SCAI: variants seen among roughly 807,000 people sequenced by gnomAD.
SCAI encodes the protein suppressor of cancer cell invasion.
In SCAI, 24 loss-of-function variants were observed where a neutral mutation model predicts 92.2. The ratio of observed to expected loss-of-function variants is 0.26; its 90% confidence interval spans 0.19 to 0.37. The LOEUF (loss-of-function observed/expected upper bound fraction) is 0.37. Ranked by LOEUF, SCAI falls within the 10% of genes least tolerant of loss-of-function variation. The pLI, the probability that SCAI is intolerant of heterozygous loss-of-function variation, is 1.00. For missense variants in SCAI, 450 were observed against 736.2 expected (o/e 0.61, Z 4.50); for synonymous variants, 261 against 258.6 (o/e 1.01, Z -0.09).
intron 14 of SCAI, among the ~76,000 whole-genome samples, chr9:124,992,184 C>T (rs1375426334): frequency 5.3e-5 from 8 of 152,170 alleles, no homozygotes; most frequent in African/African-American, 1.9e-4. Context: ...TCCCAAAGTG[C>T]TGGGATTACA....
Position 125,100,353 on chromosome 9 carries a change from C to A in SCAI, c.98+42280G>T, listed in dbSNP as rs563609528. 2.6e-5 allele frequency among the ~76,000 whole-genome samples: 4 copies of A among 152,324 alleles called. No individual in the cohort carries two copies. In the South Asian group the frequency reaches 6.2e-4, roughly 24 times the overall value. On this transcript the variant is annotated intron_variant, in intron 2 of 17. Coordinates refer to ENST00000336505, the MANE Select transcript of SCAI (RefSeq NM_001144877.3). Reference sequence around the variant, plus strand: ...GCTGAGAGCTTTACACAGATTCTTGCATTGAATCCTCAAGACAAACCTACT... The same window carrying A: ...GCTGAGAGCTTTACACAGATTCTTGAATTGAATCCTCAAGACAAACCTACT...
chr9:125,033,116 C>T (rs1223138024), intron 3 of SCAI, among the ~76,000 whole-genome samples: 1 of 151,922 alleles, frequency 6.6e-6, no homozygotes, highest in African/African-American at 2.4e-5. Flanking sequence ...GACACATTGG[C>T]TACTCAGGAG....
At chr9:125,003,864 GT>G (rs1334828130) in intron 9 of SCAI, among the ~76,000 whole-genome samples, 1 of 151,910 alleles carries the variant, frequency 6.6e-6, no homozygotes, top group Non-Finnish European at 1.5e-5. Context: ...CTCAGGTTTT[GT>G]TTTTTTAAGT....
At position 124,948,568 on chromosome 9, in the gene SCAI, T is replaced by C. The variant is rs1004893023; in HGVS notation, c.*4239A>G. 6.6e-6 allele frequency: 1 copy of C among 152,232 alleles called. No individual in the cohort carries two copies. Among genetic ancestry groups the C allele is most frequent in the Admixed American group, 6.5e-5 (1 of 15,288 alleles). The allele number at this position is 152,232 out of a possible 1,614,324, so 9.4% of individuals were successfully genotyped here. Reference sequence around the variant, plus strand: ...TGAGATGAGGAGATCTGAGTTTTAGTTCTAGCTCTATCACTATGAATAGCT... The same window carrying C: ...TGAGATGAGGAGATCTGAGTTTTAGCTCTAGCTCTATCACTATGAATAGCT... On this transcript the variant is annotated 3_prime_UTR_variant, in exon 18 of 18. Transcript: ENST00000336505.
chr9:125,038,342 CTA>C (rs1009313513), intron 3 of SCAI, among the ~76,000 whole-genome samples: 6 of 152,310 alleles, frequency 3.9e-5, no homozygotes, highest in African/African-American at 1.2e-4. Context: ...GCTCAACCTG[CTA>C]TGTTTTGTTA....
intron 3 of SCAI, among the ~76,000 whole-genome samples, chr9:125,040,429 A>G (rs1190483596): frequency 6.6e-6 from 1 of 152,182 alleles, no homozygotes; most frequent in African/African-American, 2.4e-5. Flanking sequence ...GAGTTTTTCC[A>G]TTATTTTACA....
chr9:125,057,382 T>C (rs1833691130), intron 2 of SCAI, among the ~76,000 whole-genome samples: 1 of 151,988 alleles, frequency 6.6e-6, no homozygotes, highest in Admixed American at 6.6e-5. Context: ...AAAACACAAA[T>C]GAGAGTGAAG....
chr9:124,967,685 A>G (rs562207253), intron 17 of SCAI, among the ~76,000 whole-genome samples: 1 of 152,332 alleles, frequency 6.6e-6, no homozygotes, highest in South Asian at 2.1e-4. Context: ...ACACACGTGA[A>G]TATGTGGAAG....
chr9:124,976,249 T>C (rs1243377207), intron 14 of SCAI, 63 bp from the exon 15 acceptor site: 5 of 1,177,660 alleles, frequency 4.2e-6, no homozygotes, highest in Non-Finnish European at 6.4e-6. Context: ...TACTTAGTAA[T>C]TTTCCAAAGC....
chr9:125,002,154 T>C, intron 11 of SCAI, 111 bp from the exon 12 acceptor site: 1 of 748,522 alleles, frequency 1.3e-6, no homozygotes, highest in Non-Finnish European at 2.3e-6. Context: ...AATGCACTGT[T>C]GTCTTTTCCA....
At chr9:125,059,770 T>C (rs1833737483) in intron 2 of SCAI, among the ~76,000 whole-genome samples, 1 of 152,212 alleles carries the variant, frequency 6.6e-6, no homozygotes, top group South Asian at 2.1e-4. Context: ...GAAGAATCAC[T>C]AGCATCTGAC....
At chr9:125,143,247 C>T in intron 1 of SCAI, 138 bp downstream of exon 1, 1 of 501,186 alleles carries the variant, frequency 2.0e-6, no homozygotes, top group East Asian at 3.7e-5. Flanking sequence ...CAGGCGCCCC[C>T]AAGGTCCCCC....
At chr9:125,007,076 G>A (rs946948915) in intron 9 of SCAI, among the ~76,000 whole-genome samples, 4 of 152,116 alleles carry the variant, frequency 2.6e-5, no homozygotes, top group African/African-American at 9.7e-5. Context: ...CCGAGATCAT[G>A]CCACTGCATG....
chr9:125,013,831 A>G (rs927137641), intron 9 of SCAI, among the ~76,000 whole-genome samples: 8 of 152,312 alleles, frequency 5.3e-5, no homozygotes, highest in African/African-American at 1.9e-4. Flanking sequence ...CTTATCCACC[A>G]TGATCAAGTG....
At chr9:124,992,235 G>A (rs576271950) in intron 14 of SCAI, among the ~76,000 whole-genome samples, 1 of 152,106 alleles carries the variant, frequency 6.6e-6, no homozygotes, top group African/African-American at 2.4e-5. Context: ...GCTTTTGTGG[G>A]AAAAATAAAT....
At chr9:124,982,679 C>CAAAAAAAA (rs35467160) in intron 14 of SCAI, among the ~76,000 whole-genome samples, 2 of 74,092 alleles carry the variant, frequency 2.7e-5, no homozygotes, top group African/African-American at 5.2e-5. Context: ...GACTCTGTCT[C>CAAAAAAAA]AAAAAAAAAA....
intron 2 of SCAI, among the ~76,000 whole-genome samples, chr9:125,107,903 T>G (rs997878569): frequency 4.6e-5 from 7 of 152,214 alleles, no homozygotes; most frequent in Admixed American, 4.6e-4. Flanking sequence ...ACTGTACTGC[T>G]GCCGTCTCCA....
At chr9:125,036,643 AATTT>A (rs1490694416) in intron 3 of SCAI, among the ~76,000 whole-genome samples, 1 of 152,198 alleles carries the variant, frequency 6.6e-6, no homozygotes, top group African/African-American at 2.4e-5. Context: ...TTGAATTGGT[AATTT>A]ATATACATAG....
chr9:125,050,272 G>A (rs1264368427), intron 3 of SCAI, among the ~76,000 whole-genome samples: 1 of 152,036 alleles, frequency 6.6e-6, no homozygotes, highest in Non-Finnish European at 1.5e-5. Context: ...TTTAAATAAG[G>A]GGGTGGAGGT....
Sources: allele counts gnomAD v4.1 joint callset (sites outside exome capture counted in the v4.1 genomes callset), GRCh38; gene constraint gnomAD v4.1.1; transcripts MANE v1.5; gene names NCBI Gene and HGNC (gene_info 2026-07-23, HGNC 2026-07-21).